The following RB1 variants were observed in gnomAD, a reference collection of about 807,000 sequenced individuals.
The protein encoded by RB1 is RB transcriptional corepressor 1.
A neutral mutation model predicts 135.4 loss-of-function variants in RB1; 18 were observed. The observed-to-expected ratio is 0.13, with a 90% CI of 0.09 to 0.20. The LOEUF (loss-of-function observed/expected upper bound fraction) is 0.20, where lower values mean the gene tolerates loss of function less well. Ranked by LOEUF, RB1 falls within the 10% of genes least tolerant of loss-of-function variation. The probability of loss-of-function intolerance (pLI) is 1.00; values close to 1 mark genes in which losing one functional copy is unlikely to be tolerated. For synonymous variants in RB1, 365 were observed against 373.2 expected (o/e 0.98, Z 0.25); for missense variants, 868 against 1,110.0 (o/e 0.78, Z 3.10).
At chr13:48,358,032 T>C (rs928133891) in intron 6 of RB1, among the ~76,000 whole-genome samples, 1 of 152,132 alleles carries the variant, frequency 6.6e-6, no homozygotes, top group Non-Finnish European at 1.5e-5. Context: ...CAATGGGTTC[T>C]TCCTGCTGGC....
At chr13:48,464,541 G>A (rs198590) in intron 21 of RB1, among the ~76,000 whole-genome samples, 33,330 of 152,070 alleles carry the variant, frequency 0.22, 3,807 homozygotes, top group South Asian at 0.26. Context: ...TTGCAATTGC[G>A]TAATGTATAC....
intron 25 of RB1, among the ~76,000 whole-genome samples, 193 bp from the exon 26 acceptor site, chr13:48,477,162 A>G (rs1463128987): frequency 1.3e-5 from 2 of 152,218 alleles, no homozygotes; most frequent in Non-Finnish European, 2.9e-5. Flanking sequence ...TGTGAGAACC[A>G]CTGAAAAAAT....
chr13:48,348,667 CT>C lies in RB1; in HGVS notation c.540-281del, dbSNP rs1234630497. Among the ~76,000 whole-genome samples, 6 of 149,470 alleles carry C rather than the reference CT, an allele frequency of 4.0e-5. No individual in the cohort carries two copies. The East Asian group carries it at 5.9e-4, about 15-fold the overall frequency. On this transcript the variant is annotated intron_variant, in intron 5 of 26. Coordinates refer to ENST00000267163, the MANE Select transcript of RB1 (RefSeq NM_000321.3). The stretch of plus-strand genomic sequence containing the variant: ...CAAAATTTTTCTTTCAAAATGTATA[CT>C]TTTTTTTCTTAATTTTTTTTTTTGC...
intron 17 of RB1, 44 bp downstream of exon 17, chr13:48,381,487 G>A (rs2138146041): frequency 1.3e-6 from 2 of 1,560,218 alleles, no homozygotes; most frequent in Non-Finnish European, 1.8e-6. Flanking sequence ...TGTGCATATG[G>A]CTAACAAATT....
chr13:48,422,322 A>G (rs1175877885), intron 17 of RB1, among the ~76,000 whole-genome samples: 1 of 152,098 alleles, frequency 6.6e-6, no homozygotes, highest in Non-Finnish European at 1.5e-5. Context: ...AACAATGAGA[A>G]CACATGGACA....
chr13:48,434,193 T>C (rs2138286925), intron 17 of RB1, among the ~76,000 whole-genome samples: 1 of 152,122 alleles, frequency 6.6e-6, no homozygotes, highest in Admixed American at 6.5e-5. Context: ...ATGCCTGTAA[T>C]CCTTACACTT....
intron 14 of RB1, 39 bp downstream of exon 14, chr13:48,379,689 C>A (rs765434764): frequency 1.9e-6 from 3 of 1,581,668 alleles, no homozygotes; most frequent in Non-Finnish European, 2.6e-6. Flanking sequence ...CAGCCGGGCG[C>A]GGTGGCTCAC....
intron 1 of RB1, among the ~76,000 whole-genome samples, chr13:48,304,860 A>G (rs770866093): frequency 1.6e-4 from 24 of 150,794 alleles, no homozygotes; most frequent in Non-Finnish European, 3.1e-4. Context: ...TTGAACCAGC[A>G]AGGATCTTGG....
In RB1 at chr13:48,342,655, A is replaced by C. The variant is rs2138083810; in HGVS notation, c.321A>C (p.Ala107=). Reference sequence around the variant, plus strand: ...GGGGAATCTGTATCTTTATTGCAGCAGTTGACCTAGATGAGATGTCGTTCA... The same window carrying C: ...GGGGAATCTGTATCTTTATTGCAGCCGTTGACCTAGATGAGATGTCGTTCA... ...ELWGICIFIA[A]VDLDEMSFTF... The change falls in exon 3 of 27, where the codon GCA becomes GCC. Residue 107 remains alanine, a synonymous_variant. Coordinates refer to ENST00000267163, the MANE Select transcript of RB1 (RefSeq NM_000321.3). The C allele has an allele frequency of 1.2e-6, 2 of 1,612,926 alleles. No homozygotes were observed. Among genetic ancestry groups the C allele is most frequent in the Non-Finnish European group, 1.7e-6 (2 of 1,179,130 alleles).
intron 2 of RB1, among the ~76,000 whole-genome samples, chr13:48,308,535 C>G (rs1235704205): frequency 6.6e-6 from 1 of 151,780 alleles, no homozygotes; most frequent in Non-Finnish European, 1.5e-5. Context: ...TGCCTGTAAT[C>G]TCAGCTACTT....
intron 17 of RB1, among the ~76,000 whole-genome samples, chr13:48,449,040 A>G (rs1477397443): frequency 2.0e-5 from 3 of 152,188 alleles, no homozygotes; most frequent in Non-Finnish European, 4.4e-5. Flanking sequence ...AATAAGAAAA[A>G]TAGTATTTAG....
At chr13:48,327,377 C>G (rs1271405348) in intron 2 of RB1, among the ~76,000 whole-genome samples, 1 of 152,102 alleles carries the variant, frequency 6.6e-6, no homozygotes, top group Non-Finnish European at 1.5e-5. Flanking sequence ...ATTCAAAATA[C>G]TGATTTACTT....
chr13:48,411,884 A>G lies in RB1; in HGVS notation c.1695+30441A>G, dbSNP rs1948812836. On this transcript the variant is annotated intron_variant, in intron 17 of 26. Coordinates refer to ENST00000267163, the MANE Select transcript of RB1 (RefSeq NM_000321.3). Reference sequence around the variant, plus strand: ...CGATGAAAATTACAATCCTTGAGAGATATGTTTTCCATGTGGCTTCTGGAA... The same window carrying G: ...CGATGAAAATTACAATCCTTGAGAGGTATGTTTTCCATGTGGCTTCTGGAA... The G allele has an allele frequency of 1.9e-6, 3 of 1,613,628 alleles. No individual in the cohort carries two copies. The highest frequency in any genetic ancestry group is 2.5e-6 in the Non-Finnish European group (3 of 1,179,860).
intron 17 of RB1, among the ~76,000 whole-genome samples, chr13:48,388,663 T>C (rs1054614757): frequency 6.6e-6 from 1 of 152,210 alleles, no homozygotes; most frequent in South Asian, 2.1e-4. Context: ...TTAATCCTTA[T>C]GCTTTGCTGA....
At chr13:48,420,683 G>A (rs1948991876) in intron 17 of RB1, among the ~76,000 whole-genome samples, 1 of 152,280 alleles carries the variant, frequency 6.6e-6, no homozygotes, top group South Asian at 2.1e-4. Context: ...AGCAACTTCA[G>A]CAAAGTCTCA....
chr13:48,405,716 C>T (rs1359004296), intron 17 of RB1, among the ~76,000 whole-genome samples: 1 of 152,116 alleles, frequency 6.6e-6, no homozygotes, highest in African/African-American at 2.4e-5. Context: ...TTCCCAAAGT[C>T]GTAACTATAC....
In RB1 at chr13:48,319,865, C is replaced by G. The variant is rs549144495; in HGVS notation, c.264+12459C>G. 1 of 340,840 alleles carries G rather than the reference C, an allele frequency of 2.9e-6. No homozygotes were observed. Among genetic ancestry groups the G allele is most frequent in the African/African-American group, 2.2e-5 (1 of 46,018 alleles). 21.1% of individuals were successfully genotyped at this position (340,840 alleles called of 1,614,324 possible). On this transcript the variant is annotated intron_variant, in intron 2 of 26. Transcript: ENST00000267163. The surrounding 1 kb of genome is among the most constrained non-coding windows in gnomAD (Gnocchi z 5.0). ...CTCGCTCTGACCGGGAAGGCAGAAC[C>G]CTAGTCCTCACTGGATCTCACCTGG...
chr13:48,433,111 G>T lies in RB1; in HGVS notation c.1696-19882G>T, dbSNP rs1359432012. 4.0e-5 allele frequency among the ~76,000 whole-genome samples: 6 copies of T among 151,898 alleles called. No homozygotes were observed. In the South Asian group the frequency reaches 6.2e-4, roughly 16 times the overall value. ...CCACTGTACATTTTAAACAATATGA[G>T]AAATAAATTAATTTCTGATATGAAC... On this transcript the variant is annotated intron_variant, in intron 17 of 26. Transcript: ENST00000267163.
chr13:48,363,316 C>T (rs779426518), intron 8 of RB1, among the ~76,000 whole-genome samples: 3 of 151,472 alleles, frequency 2.0e-5, no homozygotes, highest in African/African-American at 2.4e-5. Context: ...TTTGGGAGGC[C>T]GAAGTGGGAG....
Sources: gnomAD v4.1 joint callset for allele counts (sites outside exome capture counted in the v4.1 genomes callset) on GRCh38, gnomAD v4.1.1 for gene constraint, Gnocchi (gnomAD v3.1) non-coding constraint, MANE v1.5 for transcripts, NCBI Gene and HGNC (gene_info 2026-07-23, HGNC 2026-07-21) for gene names.